The following SIPA1L2 variants were observed in gnomAD, a reference collection of about 807,000 sequenced individuals.
SIPA1L2 encodes the protein signal induced proliferation associated 1 like 2.
In SIPA1L2, 56 loss-of-function variants were observed where a neutral mutation model predicts 163.9. That is an observed-to-expected ratio of 0.34 (90% confidence interval 0.28 to 0.43). The LOEUF is 0.43. Among genes scored for constraint, SIPA1L2 ranks in the 20% least tolerant of loss-of-function variants. SIPA1L2 has a pLI of 1.00. For synonymous variants in SIPA1L2, 877 were observed against 865.7 expected, an observed-to-expected ratio of 1.01 and a Z score of -0.23; for missense variants, 1,974 against 2,193.5, an observed-to-expected ratio of 0.90 and a Z score of 2.00.
At chr1:232,417,723 T>C (rs1366749223) in intron 18 of SIPA1L2, among the ~76,000 whole-genome samples, 1 of 152,208 alleles carries the variant, frequency 6.6e-6, no homozygotes, top group Admixed American at 6.5e-5. Context: ...TAAAAAACAC[T>C]TCCTTCTCTC....
At chr1:232,569,195 CAT>C (rs1020140100) in intron 2 of SIPA1L2, among the ~76,000 whole-genome samples, 6 of 152,190 alleles carry the variant, frequency 3.9e-5, no homozygotes, top group Non-Finnish European at 8.8e-5. Flanking sequence ...TGTTTCAAAA[CAT>C]AATCTGGAAA....
intron 1 of SIPA1L2, among the ~76,000 whole-genome samples, chr1:232,598,637 T>C (rs558493100): frequency 5.3e-5 from 8 of 152,182 alleles, no homozygotes; most frequent in Non-Finnish European, 8.8e-5. Flanking sequence ...ACATTCAGGG[T>C]CTGGTGAGAG....
chr1:232,527,872 C>CAA (rs144899480), intron 2 of SIPA1L2, among the ~76,000 whole-genome samples: 2,208 of 150,546 alleles, frequency 0.015, 55 homozygotes, highest in African/African-American at 0.051. Flanking sequence ...GCTGGTATTA[C>CAA]AAGTATGTAC....
intron 2 of SIPA1L2, among the ~76,000 whole-genome samples, chr1:232,528,307 C>A (rs1403898069): frequency 3.9e-5 from 6 of 151,930 alleles, no homozygotes; most frequent in Admixed American, 3.9e-4. Context: ...AGTCTTAGGG[C>A]AGGAAAGTAA....
At chr1:232,600,125 T>G (rs1389629954) in intron 1 of SIPA1L2, among the ~76,000 whole-genome samples, 2 of 152,186 alleles carry the variant, frequency 1.3e-5, no homozygotes, top group Non-Finnish European at 2.9e-5. Context: ...CTTTGCTCAG[T>G]GCTTTTTGGG....
intron 3 of SIPA1L2, among the ~76,000 whole-genome samples, chr1:232,499,064 T>C (rs1295526590): frequency 3.3e-5 from 5 of 152,160 alleles, no homozygotes; most frequent in African/African-American, 9.7e-5. Context: ...GGGGTAATAA[T>C]ATAGGAAAGA....
At chr1:232,550,424 G>C (rs1461060836) in intron 2 of SIPA1L2, among the ~76,000 whole-genome samples, 1 of 152,136 alleles carries the variant, frequency 6.6e-6, no homozygotes, top group Non-Finnish European at 1.5e-5. Context: ...TAAGCAAACA[G>C]GATTGCCAAC....
chr1:232,607,577 G>T (rs943852195), intron 1 of SIPA1L2, among the ~76,000 whole-genome samples: 5 of 152,008 alleles, frequency 3.3e-5, no homozygotes, highest in Non-Finnish European at 7.4e-5. Context: ...AGAAGACAAG[G>T]AACGCCATGC....
intron 7 of SIPA1L2, among the ~76,000 whole-genome samples, chr1:232,475,843 G>A (rs536627564): frequency 6.4e-4 from 97 of 152,298 alleles, no homozygotes; most frequent in Non-Finnish European, 1.1e-3. Context: ...AAGTAAAGAT[G>A]ATAACAGGAT....
rs755603222 is a variant in SIPA1L2 at position 232,441,275 on chromosome 1, T to C, written c.3642+16A>G. The stretch of plus-strand genomic sequence containing the variant: ...CCTGGCTAGGCCAGTGAAGGGCTTA[T>C]GAACAAAGGACTTACGTGAGAAAGC... On this transcript the variant is annotated intron_variant, in intron 14 of 22. Transcript: ENST00000674635. The C allele has an allele frequency of 2.5e-6, 4 of 1,581,456 alleles. No individual in the cohort carries two copies. Among genetic ancestry groups the C allele is most frequent in the Admixed American group, 4.0e-5 (2 of 49,904 alleles).
At chr1:232,597,194 C>T (rs1371726073) in intron 1 of SIPA1L2, among the ~76,000 whole-genome samples, 2 of 152,060 alleles carry the variant, frequency 1.3e-5, no homozygotes, top group Admixed American at 6.5e-5. Context: ...AACAATGCAC[C>T]GATGAATACA....
At chr1:232,609,067 G>T (rs953990775) in intron 1 of SIPA1L2, among the ~76,000 whole-genome samples, 22 of 152,104 alleles carry the variant, frequency 1.4e-4, no homozygotes, top group African/African-American at 5.1e-4. Context: ...TCTCTAAAAG[G>T]TAATTTGGGA....
rs1307221618 is a variant in SIPA1L2, at chr1:232,415,623, C to T, written c.4633G>A (p.Glu1545Lys). The T allele has an allele frequency of 6.2e-7, 1 of 1,614,012 alleles. No individual in the cohort carries two copies. Among genetic ancestry groups the T allele is most frequent in the South Asian group, 1.1e-5 (1 of 91,052 alleles). Reference sequence around the variant, plus strand: ...AAGGACCCATCGGAGAACCAGAACTCATCTAAACAGAAACAAAACCAGAGA... The same window carrying T: ...AAGGACCCATCGGAGAACCAGAACTTATCTAAACAGAAACAAAACCAGAGA... ...PAPSMGSLRN[E>K]FWFSDGSLSD... Residue 1545 changes from glutamate to lysine, a missense_variant and splice_region_variant, in exon 19 of 23, where the codon GAG (glutamate) becomes AAG (lysine). Glu to Lys is a moderately conservative substitution (Grantham distance 56). Transcript: ENST00000674635.
Position 232,404,008 on chromosome 1 carries a change from C to T in SIPA1L2, c.4816+117G>A, listed in dbSNP as rs905991395. 8 of 1,129,864 alleles carry T rather than the reference C, an allele frequency of 7.1e-6. No individual in the cohort carries two copies. The African/African-American group carries it at 1.1e-4, about 15-fold the overall frequency. The allele number at this position is 1,129,864 out of a possible 1,614,324, so 70.0% of individuals were successfully genotyped here. On this transcript the variant is annotated intron_variant, in intron 20 of 22. Transcript: ENST00000674635. The stretch of plus-strand genomic sequence containing the variant: ...GAGACAGAACAGCCAGGACACATGT[C>T]CCGCTGTGCACCCCCAACCCTCAGG...
At chr1:232,521,476 C>T (rs748426919) in intron 2 of SIPA1L2, among the ~76,000 whole-genome samples, 2 of 152,160 alleles carry the variant, frequency 1.3e-5, no homozygotes, top group Non-Finnish European at 2.9e-5. Context: ...AGGGCCCAAT[C>T]AAAGGTTTGT....
intron 11 of SIPA1L2, 119 bp downstream of exon 11, chr1:232,445,409 TG>T: frequency 6.9e-7 from 1 of 1,446,632 alleles, no homozygotes; most frequent in East Asian, 2.4e-5. Flanking sequence ...CTACCCTGCT[TG>T]CCAACTTGCT....
chr1:232,588,611 T>C (rs1296196911), intron 1 of SIPA1L2, among the ~76,000 whole-genome samples: 3 of 152,188 alleles, frequency 2.0e-5, no homozygotes, highest in Non-Finnish European at 4.4e-5. Flanking sequence ...ACTTCTCTAG[T>C]GTTATATCAA....
rs150572376 is a variant in SIPA1L2 at position 232,562,499 on chromosome 1, G to T, written c.-270+11675C>A. ...AAGGAGATAGAATAAAGGAAGAAAA[G>T]AATCATAAATAATACCCAATCTATT... On this transcript the variant is annotated intron_variant, in intron 2 of 22. Transcript: ENST00000674635. 2.1e-3 allele frequency among the ~76,000 whole-genome samples: 322 copies of T among 152,244 alleles called. 1 individual carries two copies. Among genetic ancestry groups the T allele is most frequent in the African/African-American group, 7.3e-3 (305 of 41,544 alleles).
chr1:232,529,205 C>G (rs1407206984), intron 2 of SIPA1L2, among the ~76,000 whole-genome samples: 2 of 152,032 alleles, frequency 1.3e-5, no homozygotes, highest in Admixed American at 6.6e-5. Context: ...CCCTGTATGC[C>G]CTCCACCTCT....
Sources: gnomAD v4.1 joint callset for allele counts (sites outside exome capture counted in the v4.1 genomes callset) on GRCh38, gnomAD v4.1.1 for gene constraint, MANE v1.5 for transcripts, NCBI Gene and HGNC (gene_info 2026-07-23, HGNC 2026-07-21) for gene names.